The following USHBP1 variants were observed in gnomAD, a reference collection of about 807,000 sequenced individuals.
The protein encoded by USHBP1 is USH1 protein network component harmonin binding protein 1, also known as harmonin-binding protein USHBP1.
Under a neutral mutation model 76.2 loss-of-function variants are expected in USHBP1, and 67 were observed. That is an observed-to-expected ratio of 0.88 (90% CI 0.72 to 1.08). The LOEUF (loss-of-function observed/expected upper bound fraction) is 1.08. Ranked by LOEUF, USHBP1 falls within the 50% of genes least tolerant of loss-of-function variation. The probability of loss-of-function intolerance (pLI) is 0.00; values close to 1 mark genes in which losing one functional copy is unlikely to be tolerated. For synonymous variants in USHBP1, 322 were observed against 362.2 expected (o/e 0.89, Z 1.26); for missense variants, 931 against 915.0 (o/e 1.02, Z -0.23).
chr19:17,252,658 C>T (rs1376691579), intron 10 of USHBP1, among the ~76,000 whole-genome samples: 2 of 151,438 alleles, frequency 1.3e-5, no homozygotes, highest in Non-Finnish European at 2.9e-5. Flanking sequence ...ACTTGGGAGG[C>T]GGAGGTTGCA....
At chr19:17,251,462 C>T in intron 12 of USHBP1, 120 bp downstream of exon 12, 4 of 1,385,694 alleles carry the variant, frequency 2.9e-6, no homozygotes, top group Non-Finnish European at 4.0e-6. Context: ...CCACACCTGA[C>T]CGTTACTGCC....
chr19:17,258,890 A>T (rs1240618889), intron 7 of USHBP1, among the ~76,000 whole-genome samples: 1 of 151,486 alleles, frequency 6.6e-6, no homozygotes, highest in East Asian at 2.0e-4. Flanking sequence ...TTTCTGGGCC[A>T]GGCAAGGTGG....
intron 3 of USHBP1, 99 bp from the exon 4 acceptor site, chr19:17,263,089 G>A: frequency 1.5e-6 from 2 of 1,293,620 alleles, no homozygotes; most frequent in South Asian, 1.9e-5. Flanking sequence ...CCAGCCTGGA[G>A]TGCAGTGGCG....
intron 4 of USHBP1, 103 bp downstream of exon 4, chr19:17,262,449 T>C (rs2073699995): frequency 7.3e-7 from 1 of 1,361,250 alleles, no homozygotes; most frequent in Non-Finnish European, 9.8e-7. Context: ...CACCCAGCCT[T>C]AAAAGGTTTT....
rs998743316 is a variant in USHBP1, at chr19:17,262,831, G to A, written c.363C>T (p.Thr121=). The A allele has an allele frequency of 2.5e-6, 4 of 1,613,986 alleles. No individual in the cohort carries two copies. In the South Asian group the frequency reaches 4.4e-5, roughly 18 times the overall value. ...PGNGAPDVFQ[T]LQHTLSSLEA... is the part of the protein sequence containing the mutation. ...CCAGGGAGCTCAGAGTGTGCTGGAG[G>A]GTCTGAAACACATCGGGGGCCCCAT... Residue 121 remains threonine (T), a synonymous_variant, in exon 4 of 13, where the codon ACC becomes ACT. Transcript: ENST00000252597.
chr19:17,250,736 T>C (rs1421367287), intron 12 of USHBP1, among the ~76,000 whole-genome samples: 2 of 151,734 alleles, frequency 1.3e-5, no homozygotes, highest in African/African-American at 4.8e-5. Flanking sequence ...TATTTTTTAA[T>C]AGAGACAGGG....
chr19:17,250,221 G>C lies in USHBP1; in HGVS notation c.*4C>G. On this transcript the variant is annotated 3_prime_UTR_variant, in exon 13 of 13. Transcript: ENST00000252597. ...GCATGTCCAGACATGGCTGGGTAAG[G>C]GGCCTACAGAAAGGTGTCCCCAAGC... 1 of 1,602,320 alleles carries C rather than the reference G, an allele frequency of 6.2e-7. No individual in the cohort carries two copies. The highest frequency in any genetic ancestry group is 1.1e-5 in the South Asian group (1 of 89,786).
chr19:17,261,413 G>A (rs1362280199), intron 4 of USHBP1, among the ~76,000 whole-genome samples: 1 of 145,478 alleles, frequency 6.9e-6, no homozygotes, highest in Admixed American at 7.1e-5. Context: ...TCGGCTCACT[G>A]CAAGCTCCGC....
intron 12 of USHBP1, 38 bp downstream of exon 12, chr19:17,251,544 G>T (rs2073551291): frequency 6.2e-7 from 1 of 1,611,124 alleles, no homozygotes; most frequent in Non-Finnish European, 8.5e-7. Flanking sequence ...GGTGGGGGAT[G>T]GTGCCAGGGG....
At position 17,263,020 on chromosome 19, in the gene USHBP1, A is replaced by G. The variant is rs775152128; in HGVS notation, c.204-30T>C. On this transcript the variant is annotated intron_variant, in intron 3 of 12. Transcript: ENST00000252597. Reference sequence around the variant, plus strand: ...GGACACCAACTCAGGCACTTGAGTCACTCCATGCTGGGCAAGGAATTCTTT... The same window carrying G: ...GGACACCAACTCAGGCACTTGAGTCGCTCCATGCTGGGCAAGGAATTCTTT... 24 of 1,496,574 alleles carry G rather than the reference A, an allele frequency of 1.6e-5. No individual in the cohort carries two copies. The South Asian group carries it at 3.1e-4, about 20-fold the overall frequency. The allele number at this position is 1,496,574 out of a possible 1,614,324, so 92.7% of individuals were successfully genotyped here.
intron 8 of USHBP1, among the ~76,000 whole-genome samples, chr19:17,257,059 C>T (rs1290225709): frequency 1.4e-5 from 2 of 145,498 alleles, no homozygotes; most frequent in East Asian, 2.0e-4. Flanking sequence ...CTTGCTCTGT[C>T]GCCCAGGCTG....
intron 10 of USHBP1, among the ~76,000 whole-genome samples, chr19:17,254,029 G>A (rs182914905): frequency 1.6e-3 from 245 of 151,802 alleles, no homozygotes; most frequent in African/African-American, 5.8e-3. Context: ...CCAACATGGT[G>A]AAACCCCATC....
chr19:17,260,426 T>C (rs1479618317), intron 4 of USHBP1, among the ~76,000 whole-genome samples: 2 of 152,244 alleles, frequency 1.3e-5, no homozygotes, highest in Non-Finnish European at 2.9e-5. Flanking sequence ...GCCTCCCGGA[T>C]TCAAGTGATT....
chr19:17,257,006 G>C (rs2073627674), intron 8 of USHBP1, among the ~76,000 whole-genome samples: 1 of 150,630 alleles, frequency 6.6e-6, no homozygotes, highest in Non-Finnish European at 1.5e-5. Context: ...ATAGGCAACA[G>C]AGTGAGAATC....
rs200391216 is a variant in USHBP1 at position 17,260,019 on chromosome 19, G to T, written c.646C>A (p.Gln216Lys). ...AEKETLQKEV[Q>K]ELQDSLLRLE... The stretch of plus-strand genomic sequence containing the variant: ...CTCAAGAGGGAATCCTGCAGCTCTT[G>T]AACCTGGGAAAGATGAGGGGGACGT... The change falls in exon 5 of 13, where the codon CAA (glutamine) becomes AAA (lysine). Residue 216 changes from glutamine to lysine, a missense_variant. Transcript: ENST00000252597. 1 of 1,612,544 alleles carries T rather than the reference G, an allele frequency of 6.2e-7. No homozygotes were observed. Among genetic ancestry groups the T allele is most frequent in the East Asian group, 2.2e-5 (1 of 44,820 alleles).
Position 17,250,319 on chromosome 19 carries a change from G to A in USHBP1, c.2018C>T (p.Ala673Val). The change falls in exon 13 of 13, where the codon GCC becomes GTC. Residue 673 changes from alanine to valine, a missense_variant. Physicochemically the swap from Ala to Val is moderately conservative, Grantham distance 64. Coordinates refer to ENST00000252597, the MANE Select transcript of USHBP1 (RefSeq NM_031941.4). ...GGCTTCGAGCACCGCCACCTCCTCG[G>A]CCTGCTGAGCCTCCATGAGTGCCAT... is the stretch of plus-strand genomic sequence containing the variant. ...QQMALMEAQQ[A>V]EEVAVLEATA... 6.2e-7 allele frequency: 1 copy of A among 1,613,464 alleles called. No homozygotes were observed. Among genetic ancestry groups the A allele is most frequent in the Non-Finnish European group, 8.5e-7 (1 of 1,179,900 alleles).
chr19:17,250,400 G>C lies in USHBP1; in HGVS notation c.1937C>G (p.Ala646Gly). 2 of 1,612,972 alleles carry C rather than the reference G, an allele frequency of 1.2e-6. No individual in the cohort carries two copies. Among genetic ancestry groups the C allele is most frequent in the African/African-American group, 2.7e-5 (2 of 75,022 alleles). ...CTGCTTCCGGTGGGCTCCTCGGAAG[G>C]CCAGGACCAGGGCGCTGGAAGGGGT... ...LCKAHSALVLAFRGAHRKQEE... is the reference protein window; with the variant it reads ...LCKAHSALVLGFRGAHRKQEE... The change falls in exon 13 of 13, where the codon GCC (alanine) becomes GGC (glycine). Residue 646 changes from alanine to glycine, a missense_variant. Coordinates refer to ENST00000252597, the MANE Select transcript of USHBP1 (RefSeq NM_031941.4).
At chr19:17,251,745 G>A (rs78864032) in intron 11 of USHBP1, 41 bp from the exon 12 acceptor site, 29 of 1,607,954 alleles carry the variant, frequency 1.8e-5, no homozygotes, top group Non-Finnish European at 2.2e-5. Flanking sequence ...AGCCCCAGCC[G>A]ATCCTGTTTC....
intron 9 of USHBP1, 118 bp downstream of exon 9, chr19:17,256,353 T>G: frequency 6.9e-7 from 1 of 1,453,778 alleles, no homozygotes; most frequent in Non-Finnish European, 9.2e-7. Flanking sequence ...CAATTCTCCC[T>G]TCACAATGCC....
Sources: gnomAD v4.1 joint callset for allele counts (sites outside exome capture counted in the v4.1 genomes callset) on GRCh38, gnomAD v4.1.1 for gene constraint, MANE v1.5 for transcripts, NCBI Gene and HGNC (gene_info 2026-07-23, HGNC 2026-07-21) for gene names.